MLXIPL: variants seen among roughly 807,000 people sequenced by gnomAD.
The protein encoded by MLXIPL is MLX interacting protein like, also known as carbohydrate-responsive element-binding protein.
A neutral mutation model predicts 81.5 loss-of-function variants in MLXIPL; 49 were observed. The observed-to-expected ratio is 0.60, with a 90% CI of 0.48 to 0.76. MLXIPL has a LOEUF of 0.76. Ranked by LOEUF, MLXIPL falls within the 30% of genes least tolerant of loss-of-function variation. MLXIPL has a pLI of 0.00. For synonymous variants in MLXIPL, 466 were observed against 485.5 expected (o/e 0.96, Z 0.53); for missense variants, 1,053 against 1,167.0 (o/e 0.90, Z 1.42).
chr7:73,608,602 AAAG>A (rs1795483297), intron 2 of MLXIPL, among the ~76,000 whole-genome samples: 1 of 149,550 alleles, frequency 6.7e-6, no homozygotes, highest in Admixed American at 6.6e-5. Flanking sequence ...AAAAAGAAAA[AAAG>A]AAAGTCCTGG....
chr7:73,620,142 G>A lies in MLXIPL; in HGVS notation c.294-3965C>T, dbSNP rs572114818. 7.9e-5 allele frequency among the ~76,000 whole-genome samples: 12 copies of A among 151,854 alleles called. No homozygotes were observed. In the South Asian group the frequency reaches 2.1e-3, roughly 26 times the overall value. On this transcript the variant is annotated intron_variant, in intron 1 of 16. Transcript: ENST00000313375. ...AATAGGGCCAGGCGCGGTGGCTCAC[G>A]TCTATAATCCCAGCACTTTGGGAGG... is the stretch of plus-strand genomic sequence containing the variant.
the MLXIPL span, among the ~76,000 whole-genome samples, chr7:73,641,676 T>G: frequency 6.6e-6 from 1 of 152,180 alleles, no homozygotes; most frequent in Non-Finnish European, 1.5e-5. Context: ...TCACCCAGGC[T>G]GGAGTGCAGT....
rs1554592540 is a variant in MLXIPL at position 73,593,484 on chromosome 7, A to G, written c.*381T>C. The G allele has an allele frequency of 3.2e-6, 1 of 310,172 alleles. No individual in the cohort carries two copies. The highest frequency in any genetic ancestry group is 2.2e-5 in the African/African-American group (1 of 46,296). The allele number at this position is 310,172 out of a possible 1,614,324, so 19.2% of individuals were successfully genotyped here. On this transcript the variant is annotated 3_prime_UTR_variant, in exon 17 of 17. Coordinates refer to ENST00000313375, the MANE Select transcript of MLXIPL (RefSeq NM_032951.3). ...CAAGTGGAGGTGACAGAGAAACAGC[A>G]TCCTCCTCTTTCCACCGTTGAGCCC...
chr7:73,620,137 C>T (rs938272824), intron 1 of MLXIPL, among the ~76,000 whole-genome samples: 1 of 151,786 alleles, frequency 6.6e-6, no homozygotes, highest in Admixed American at 6.6e-5. Context: ...GGCGCGGTGG[C>T]TCACGTCTAT....
At chr7:73,636,825 A>T in the MLXIPL span, among the ~76,000 whole-genome samples, 1 of 151,958 alleles carries the variant, frequency 6.6e-6, no homozygotes, top group Non-Finnish European at 1.5e-5. Context: ...ACTTTGGGAG[A>T]CCAAGGCGGG....
intron 7 of MLXIPL, among the ~76,000 whole-genome samples, chr7:73,600,813 C>T (rs1304785152): frequency 1.3e-5 from 2 of 151,694 alleles, no homozygotes; most frequent in Admixed American, 1.3e-4. Context: ...GAGGCAGTAG[C>T]GGATTGTTTG....
At chr7:73,646,329 T>C in the MLXIPL span, among the ~76,000 whole-genome samples, 2 of 152,074 alleles carry the variant, frequency 1.3e-5, no homozygotes, top group African/African-American at 4.8e-5. Flanking sequence ...TCCATCCCAC[T>C]CTACAGCCTG....
chr7:73,629,319 A>C (rs998236145), upstream of MLXIPL, among the ~76,000 whole-genome samples: 4 of 152,062 alleles, frequency 2.6e-5, no homozygotes, highest in Non-Finnish European at 5.9e-5. Context: ...GAATTACAGG[A>C]GTGAGGCACC....
upstream of MLXIPL, among the ~76,000 whole-genome samples, chr7:73,628,484 G>C (rs567763772): frequency 6.6e-6 from 1 of 152,276 alleles, no homozygotes; most frequent in East Asian, 1.9e-4. Flanking sequence ...ATGCAAGGAC[G>C]TCCACAGATT....
rs1554593440 is a variant in MLXIPL at position 73,595,751 on chromosome 7, C to T, written c.2196G>A (p.Gln732=). 2 of 1,597,804 alleles carry T rather than the reference C, an allele frequency of 1.3e-6. No individual in the cohort carries two copies. Among genetic ancestry groups the T allele is most frequent in the Admixed American group, 1.8e-5 (1 of 56,854 alleles). Reference sequence around the variant, plus strand: ...GTACCCCTGTGGCGGGCAGCTGCTGCTGGCACAGGCTGGGGGCAGGGCAGG... The same window carrying T: ...GTACCCCTGTGGCGGGCAGCTGCTGTTGGCACAGGCTGGGGGCAGGGCAGG... The part of the protein sequence containing the change: ...EELNAAINLC[Q]QQLPATGVPI... The change falls in exon 15 of 17, where the codon CAG becomes CAA. Residue 732 remains glutamine, a synonymous_variant. Coordinates refer to ENST00000313375, the MANE Select transcript of MLXIPL (RefSeq NM_032951.3).
intron 1 of MLXIPL, among the ~76,000 whole-genome samples, chr7:73,618,439 G>C (rs1212195028): frequency 1.3e-5 from 2 of 152,170 alleles, no homozygotes; most frequent in Non-Finnish European, 2.9e-5. Flanking sequence ...GCTTCCTCCA[G>C]GGGTCTTTCC....
chr7:73,619,145 G>A (rs1320216404), intron 1 of MLXIPL, among the ~76,000 whole-genome samples: 3 of 152,130 alleles, frequency 2.0e-5, no homozygotes, highest in East Asian at 3.9e-4. Context: ...GCAACATAGT[G>A]CAACCCTGTT....
At chr7:73,630,757 G>A in the MLXIPL span, among the ~76,000 whole-genome samples, 1 of 152,188 alleles carries the variant, frequency 6.6e-6, no homozygotes, top group Non-Finnish European at 1.5e-5. Context: ...GCAGGAGGAT[G>A]TGGTACGAGC....
At chr7:73,632,111 G>A in the MLXIPL span, among the ~76,000 whole-genome samples, 1 of 151,710 alleles carries the variant, frequency 6.6e-6, no homozygotes, top group Non-Finnish European at 1.5e-5. Context: ...TCCTGCCTCA[G>A]CCTCCTAAGT....
rs550208511 is a variant in MLXIPL at position 73,595,383 on chromosome 7, T to C, written c.2310+254A>G. ...AAACTGCCCTCGGGGCTTCCTGAGGTCAGGGCCAAGGCTCCCCTTACCCAA... is the reference window on the plus strand; with the variant it reads ...AAACTGCCCTCGGGGCTTCCTGAGGCCAGGGCCAAGGCTCCCCTTACCCAA... On this transcript the variant is annotated intron_variant, in intron 15 of 16. Coordinates refer to ENST00000313375, the MANE Select transcript of MLXIPL (RefSeq NM_032951.3). 2.0e-5 allele frequency among the ~76,000 whole-genome samples: 3 copies of C among 152,198 alleles called. No individual in the cohort carries two copies. In the South Asian group the frequency reaches 6.2e-4, roughly 32 times the overall value.
At chr7:73,608,318 G>A (rs964730926) in intron 2 of MLXIPL, among the ~76,000 whole-genome samples, 1 of 151,966 alleles carries the variant, frequency 6.6e-6, no homozygotes. Flanking sequence ...GGCTGGGTGC[G>A]GTGGCTCACA....
Position 73,596,784 on chromosome 7 carries a change from C to T in MLXIPL, c.1677G>A (p.Glu559=), listed in dbSNP as rs782378702. The T allele has an allele frequency of 2.5e-6, 4 of 1,606,122 alleles. No homozygotes were observed. In the East Asian group the frequency reaches 9.0e-5, roughly 36 times the overall value. The change falls in exon 11 of 17, where the codon GAG becomes GAA. Residue 559 remains glutamate (E), a synonymous_variant. Transcript: ENST00000313375. The surrounding 1 kb of genome is among the most constrained non-coding windows in gnomAD (Gnocchi z 4.7). ...TLLRSPGSPQ[E]TVPEFPCTFL... is the part of the protein sequence containing the mutation. ...ATGTGCAGGGGAATTCAGGGACTGT[C>T]TCCTGCTGGGGTGGAGAAGGGCGGA...
chr7:73,606,159 C>G (rs960766582), intron 5 of MLXIPL, 48 bp from the exon 6 acceptor site: 3 of 1,536,978 alleles, frequency 2.0e-6, no homozygotes, highest in Non-Finnish European at 1.8e-6. Context: ...CCCACTGCCC[C>G]GATCTTCCAT....
Position 73,594,354 on chromosome 7 carries a change from G to A in MLXIPL, c.2360C>T (p.Ser787Phe). 6.2e-7 allele frequency: 1 copy of A among 1,609,376 alleles called. No homozygotes were observed. The highest frequency in any genetic ancestry group is 8.5e-7 in the Non-Finnish European group (1 of 1,179,980). ...GCGGAGGGTGTGCACACTTGCCGTG[G>A]ACACCATCCCGTTGAAGGACTCAAA... ...PLFESFNGMV[S>F]TASVHTLRQT... Residue 787 changes from serine to phenylalanine, a missense_variant, in exon 16 of 17, where the codon TCC (serine) becomes TTC (phenylalanine). Ser to Phe is a radical substitution (Grantham distance 155, BLOSUM62 -2). This residue lies in a region of MLXIPL where 823 missense variants were observed against 933.0 expected (regional missense o/e 0.88). Coordinates refer to ENST00000313375, the MANE Select transcript of MLXIPL (RefSeq NM_032951.3).
Sources: allele counts gnomAD v4.1 joint callset (sites outside exome capture counted in the v4.1 genomes callset), GRCh38; gene constraint gnomAD v4.1.1; regional missense constraint gnomAD v4.1.1; non-coding constraint Gnocchi (gnomAD v3.1); transcripts MANE v1.5; gene names NCBI Gene and HGNC (gene_info 2026-07-23, HGNC 2026-07-21).